SLC24A4: variants seen among roughly 807,000 people sequenced by gnomAD.
SLC24A4 encodes the protein sodium/potassium/calcium exchanger 4.
Under a neutral mutation model 79.0 loss-of-function variants are expected in SLC24A4, and 53 were observed. The ratio of observed to expected loss-of-function variants is 0.67; its 90% confidence interval spans 0.54 to 0.84. The LOEUF (loss-of-function observed/expected upper bound fraction) is 0.84, where lower values mean the gene tolerates loss of function less well. SLC24A4 is among the 40% of genes least tolerant of loss of function. The pLI is 0.00. For synonymous variants in SLC24A4, 323 were observed against 323.8 expected (o/e 1.00, Z 0.03); for missense variants, 731 against 822.0 (o/e 0.89, Z 1.35).
At chr14:92,474,859 A>AT (rs1487221620) in intron 12 of SLC24A4, among the ~76,000 whole-genome samples, 4 of 58,566 alleles carry the variant, frequency 6.8e-5, no homozygotes, top group South Asian at 5.3e-4. Context: ...ATATATATAT[A>AT]TATATTTTTT....
At chr14:92,385,256 C>G (rs898083322) in intron 2 of SLC24A4, among the ~76,000 whole-genome samples, 2 of 152,142 alleles carry the variant, frequency 1.3e-5, no homozygotes, top group African/African-American at 4.8e-5. Context: ...CCTGTAATCC[C>G]AGCACTTCGG....
intron 12 of SLC24A4, among the ~76,000 whole-genome samples, chr14:92,475,655 A>G (rs190865177): frequency 1.2e-4 from 18 of 152,288 alleles, no homozygotes; most frequent in African/African-American, 3.6e-4. Context: ...CAGCACTAGC[A>G]ATGGTGTCAT....
rs1896070985 is a variant in SLC24A4, at chr14:92,499,613, C to G, written c.*5985C>G. On this transcript the variant is annotated 3_prime_UTR_variant, in exon 17 of 17. Transcript: ENST00000532405. ...CACAGCTCACGAAAGCCTCAAACTC[C>G]TAGGCTCAAGTGATCCTCCTGAAAA... 6.6e-6 allele frequency: 1 copy of G among 151,718 alleles called. No homozygotes were observed. Among genetic ancestry groups the G allele is most frequent in the African/African-American group, 2.4e-5 (1 of 41,248 alleles). 9.4% of individuals were successfully genotyped at this position (151,718 alleles called of 1,614,324 possible). A position where few individuals can be genotyped will look rare whatever the true frequency, so the allele number is the denominator to read the frequency against.
chr14:92,343,644 CTT>C lies in SLC24A4; in HGVS notation c.241+17668_241+17669del, dbSNP rs1491511679. 3.9e-3 allele frequency among the ~76,000 whole-genome samples: 535 copies of C among 137,378 alleles called. 1 individual carries two copies. The highest frequency in any genetic ancestry group is 7.2e-3 in the African/African-American group (247 of 34,290). The allele number at this position is 137,378 out of a possible 152,430, so 90.1% of individuals were successfully genotyped here. On this transcript the variant is annotated intron_variant, in intron 2 of 16. Transcript: ENST00000532405. The stretch of plus-strand genomic sequence containing the variant: ...TCTTTCTTTCTTTCTTTCTTTCTCT[CTT>C]TCCTTCTTTCCTTCCTTCCTTCCTT...
intron 13 of SLC24A4, among the ~76,000 whole-genome samples, chr14:92,486,158 T>C (rs1437535710): frequency 6.6e-6 from 1 of 152,190 alleles, no homozygotes; most frequent in African/African-American, 2.4e-5. Context: ...GAAGAATGAT[T>C]CTTGAATATC....
chr14:92,362,697 G>A (rs1887603050), intron 2 of SLC24A4, among the ~76,000 whole-genome samples: 1 of 152,176 alleles, frequency 6.6e-6, no homozygotes, highest in African/African-American at 2.4e-5. Flanking sequence ...CCCCCGAGGC[G>A]GCACCAGTGT....
At chr14:92,432,460 A>G (rs978435613) in intron 2 of SLC24A4, among the ~76,000 whole-genome samples, 1 of 152,236 alleles carries the variant, frequency 6.6e-6, no homozygotes, top group African/African-American at 2.4e-5. Flanking sequence ...TTTTCATGAC[A>G]GAAATGTCTA....
chr14:92,480,626 T>A (rs1341917765), intron 12 of SLC24A4, among the ~76,000 whole-genome samples: 3 of 152,208 alleles, frequency 2.0e-5, no homozygotes, highest in Non-Finnish European at 4.4e-5. Flanking sequence ...TTTACGGCTA[T>A]GCATTCCTAA....
chr14:92,403,333 C>A lies in SLC24A4; in HGVS notation c.242-30579C>A, dbSNP rs545795493. 4.5e-3 allele frequency among the ~76,000 whole-genome samples: 677 copies of A among 150,560 alleles called. 5 individuals are homozygous for A. Among genetic ancestry groups the A allele is most frequent in the African/African-American group, 0.016 (657 of 40,930 alleles). ...TAAAGCTCTGAGAGGACTGGCCAGG[C>A]GTGGTGGTTCATGCCTGTAATCCCA... On this transcript the variant is annotated intron_variant, in intron 2 of 16. Transcript: ENST00000532405.
At chr14:92,410,793 G>A (rs1164519324) in intron 2 of SLC24A4, among the ~76,000 whole-genome samples, 1 of 152,238 alleles carries the variant, frequency 6.6e-6, no homozygotes, top group Non-Finnish European at 1.5e-5. Context: ...GGGAAGGTCT[G>A]CCTTGCCTCT....
intron 9 of SLC24A4, among the ~76,000 whole-genome samples, 162 bp downstream of exon 9, chr14:92,447,586 G>T (rs566341820): frequency 6.6e-6 from 1 of 152,326 alleles, no homozygotes; most frequent in African/African-American, 2.4e-5. Flanking sequence ...TGGAGTAGGG[G>T]AGGGGTGTCA....
intron 2 of SLC24A4, among the ~76,000 whole-genome samples, chr14:92,372,972 C>T (rs1395838985): frequency 5.1e-5 from 7 of 136,144 alleles, no homozygotes; most frequent in Non-Finnish European, 1.1e-4. Context: ...TCTCTCTCTC[C>T]CCCCCTCCCT....
intron 2 of SLC24A4, among the ~76,000 whole-genome samples, chr14:92,420,342 C>T (rs1891208381): frequency 6.6e-6 from 1 of 152,106 alleles, no homozygotes; most frequent in South Asian, 2.1e-4. Context: ...TAGCCGGGCA[C>T]AGTGGCATGT....
At chr14:92,332,613 G>C (rs1885543041) in intron 2 of SLC24A4, among the ~76,000 whole-genome samples, 1 of 152,184 alleles carries the variant, frequency 6.6e-6, no homozygotes, top group African/African-American at 2.4e-5. Flanking sequence ...CTGAGTGGGG[G>C]ATTGGTACCA....
intron 12 of SLC24A4, among the ~76,000 whole-genome samples, chr14:92,476,490 A>G (rs1894773908): frequency 6.6e-6 from 1 of 152,170 alleles, no homozygotes; most frequent in African/African-American, 2.4e-5. Context: ...ATGATTTAGG[A>G]AGATTCTAGC....
At chr14:92,437,275 G>A (rs556032767) in intron 3 of SLC24A4, among the ~76,000 whole-genome samples, 12 of 152,230 alleles carry the variant, frequency 7.9e-5, no homozygotes, top group African/African-American at 2.6e-4. Context: ...CTACCTCAGG[G>A]CCTTTGCACT....
rs376644802 is a variant in SLC24A4 at position 92,343,649 on chromosome 14, C to T, written c.241+17671C>T. ...CTTTCTTTCTTTCTTTCTCTCTTTC[C>T]TTCTTTCCTTCCTTCCTTCCTTCCT... On this transcript the variant is annotated intron_variant, in intron 2 of 16. Coordinates refer to ENST00000532405, the MANE Select transcript of SLC24A4 (RefSeq NM_153646.4). Among the ~76,000 whole-genome samples the T allele has an allele frequency of 5.9e-3, 666 of 112,718 alleles. 7 individuals carry two copies. Among genetic ancestry groups the T allele is most frequent in the African/African-American group, 0.018 (473 of 26,692 alleles). 73.9% of individuals were successfully genotyped at this position (112,718 alleles called of 152,430 possible).
chr14:92,366,219 G>A (rs925848946), intron 2 of SLC24A4, among the ~76,000 whole-genome samples: 10 of 152,172 alleles, frequency 6.6e-5, no homozygotes, highest in African/African-American at 1.2e-4. Flanking sequence ...GGGAGCACCC[G>A]AACCAAAGGC....
chr14:92,353,013 A>G lies in SLC24A4; in HGVS notation c.241+27035A>G, dbSNP rs1038253488. On this transcript the variant is annotated intron_variant, in intron 2 of 16. Transcript: ENST00000532405. This position sits in a 1 kb window ranked among gnomAD's most constrained non-coding sequence, Gnocchi z 4.1. The stretch of plus-strand genomic sequence containing the variant: ...TTAAAAACTTAAAGTCTTTGAATAG[A>G]TAATGTTTTCATATGATTCAAAATT... Among the ~76,000 whole-genome samples the G allele has an allele frequency of 2.0e-5, 3 of 152,230 alleles. No individual in the cohort carries two copies. Among genetic ancestry groups the G allele is most frequent in the Non-Finnish European group, 4.4e-5 (3 of 68,038 alleles).
Sources: gnomAD v4.1 joint callset for allele counts (sites outside exome capture counted in the v4.1 genomes callset) on GRCh38, gnomAD v4.1.1 for gene constraint, Gnocchi (gnomAD v3.1) non-coding constraint, MANE v1.5 for transcripts, NCBI Gene and HGNC (gene_info 2026-07-23, HGNC 2026-07-21) for gene names.